The following TMEM132C variants were observed in gnomAD, a reference collection of about 807,000 sequenced individuals.
The protein encoded by TMEM132C is protein phosphatase 1, regulatory subunit 152.
Under a neutral mutation model 61.4 loss-of-function variants are expected in TMEM132C, and 29 were observed. The observed-to-expected ratio is 0.47, with a 90% CI of 0.35 to 0.64. The LOEUF is 0.64. Ranked by LOEUF, TMEM132C falls within the 30% of genes least tolerant of loss-of-function variation. The pLI is 0.00. For missense variants in TMEM132C, 1,408 were observed against 1,476.9 expected, an observed-to-expected ratio of 0.95 and a Z score of 0.76; for synonymous variants, 656 against 633.1, an observed-to-expected ratio of 1.04 and a Z score of -0.54.
At chr12:128,429,606 A>G (rs1319689258) in intron 2 of TMEM132C, among the ~76,000 whole-genome samples, 1 of 152,192 alleles carries the variant, frequency 6.6e-6, no homozygotes, top group Non-Finnish European at 1.5e-5. Context: ...CATGGAAATC[A>G]AGGCCAATTT....
chr12:128,420,156 A>G (rs1868939137), intron 2 of TMEM132C, among the ~76,000 whole-genome samples: 1 of 152,198 alleles, frequency 6.6e-6, no homozygotes, highest in South Asian at 2.1e-4. Context: ...AGATCATGCC[A>G]GTGAAGTCCA....
chr12:128,610,378 A>G (rs1277883948), intron 3 of TMEM132C, among the ~76,000 whole-genome samples: 1 of 152,148 alleles, frequency 6.6e-6, no homozygotes, highest in African/African-American at 2.4e-5. Context: ...CCCAGACTCA[A>G]TTTTCTTACC....
chr12:128,442,057 C>T (rs770647801), intron 2 of TMEM132C, among the ~76,000 whole-genome samples: 36 of 152,244 alleles, frequency 2.4e-4, no homozygotes, highest in Admixed American at 3.3e-4. Flanking sequence ...GCAGGGCTCA[C>T]CCTGGCTCAG....
chr12:128,443,623 A>G (rs1023107575), intron 2 of TMEM132C, among the ~76,000 whole-genome samples: 2 of 152,108 alleles, frequency 1.3e-5, no homozygotes, highest in Non-Finnish European at 2.9e-5. Context: ...TATTATTTGT[A>G]TTTTAAAGTC....
chr12:128,272,436 C>T (rs7974108), intron 1 of TMEM132C, among the ~76,000 whole-genome samples: 62,012 of 151,994 alleles, frequency 0.41, 13,467 homozygotes, highest in African/African-American at 0.54. Context: ...TAAAATTATG[C>T]AAGTTTTGGG....
intron 1 of TMEM132C, among the ~76,000 whole-genome samples, chr12:128,386,425 T>G (rs1001554682): frequency 2.0e-5 from 3 of 152,138 alleles, no homozygotes; most frequent in African/African-American, 7.2e-5. Flanking sequence ...TGCAGAAACT[T>G]CCCTCCACAT....
chr12:128,620,377 T>A (rs1359032176), intron 4 of TMEM132C, among the ~76,000 whole-genome samples: 1 of 151,956 alleles, frequency 6.6e-6, no homozygotes, highest in East Asian at 1.9e-4. Context: ...TATACTCTAG[T>A]GGAGCGACAG....
At chr12:128,520,006 A>G (rs982919650) in intron 2 of TMEM132C, among the ~76,000 whole-genome samples, 15 of 152,208 alleles carry the variant, frequency 9.9e-5, no homozygotes, top group African/African-American at 3.6e-4. Flanking sequence ...TTATGATTAA[A>G]TCTCTAGGAC....
At chr12:128,537,496 G>T (rs1044105977) in intron 2 of TMEM132C, among the ~76,000 whole-genome samples, 1 of 152,122 alleles carries the variant, frequency 6.6e-6, no homozygotes, top group Non-Finnish European at 1.5e-5. Flanking sequence ...CCATCTGTTG[G>T]GTAGCTTAGA....
At chr12:128,534,607 G>A (rs2136139219) in intron 2 of TMEM132C, among the ~76,000 whole-genome samples, 1 of 152,310 alleles carries the variant, frequency 6.6e-6, no homozygotes, top group Admixed American at 6.5e-5. Flanking sequence ...CAGCTTCCCT[G>A]GGCTTGCACC....
At chr12:128,396,683 G>A (rs1054724574) in intron 1 of TMEM132C, among the ~76,000 whole-genome samples, 6 of 151,906 alleles carry the variant, frequency 3.9e-5, no homozygotes, top group Non-Finnish European at 2.9e-5. Flanking sequence ...CCCAAGAGGA[G>A]TGTGCTATTA....
chr12:128,430,461 G>C (rs1160923207), intron 2 of TMEM132C, among the ~76,000 whole-genome samples: 3 of 152,152 alleles, frequency 2.0e-5, no homozygotes, highest in Non-Finnish European at 4.4e-5. Flanking sequence ...TCTTGTAAAT[G>C]CATATATTAA....
chr12:128,670,418 A>T (rs1001849981), intron 5 of TMEM132C, among the ~76,000 whole-genome samples: 6 of 152,282 alleles, frequency 3.9e-5, no homozygotes, highest in African/African-American at 1.4e-4. Flanking sequence ...CTTTTGACCA[A>T]TATCTGCACA....
At chr12:128,339,993 T>A (rs1319292398) in intron 1 of TMEM132C, among the ~76,000 whole-genome samples, 2 of 152,214 alleles carry the variant, frequency 1.3e-5, no homozygotes, top group African/African-American at 2.4e-5. Context: ...AGACATTTTT[T>A]AAAAAAGAAC....
intron 2 of TMEM132C, among the ~76,000 whole-genome samples, chr12:128,445,802 C>T (rs1018149566): frequency 6.6e-6 from 1 of 152,096 alleles, no homozygotes; most frequent in South Asian, 2.1e-4. Context: ...GATTTAAAAG[C>T]CCCCCACCCC....
intron 2 of TMEM132C, among the ~76,000 whole-genome samples, chr12:128,520,317 A>G (rs1872859388): frequency 6.6e-6 from 1 of 152,196 alleles, no homozygotes; most frequent in South Asian, 2.1e-4. Flanking sequence ...TTGACAATGC[A>G]GAGATTTTGG....
intron 5 of TMEM132C, among the ~76,000 whole-genome samples, chr12:128,669,800 T>C (rs1954513936): frequency 6.6e-6 from 1 of 152,218 alleles, no homozygotes; most frequent in African/African-American, 2.4e-5. Context: ...CAATTAAAAA[T>C]TGTGTGTGTG....
At chr12:128,391,259 G>C (rs1417050841) in intron 1 of TMEM132C, among the ~76,000 whole-genome samples, 1 of 152,216 alleles carries the variant, frequency 6.6e-6, no homozygotes, top group Non-Finnish European at 1.5e-5. Context: ...GGCCTTGGAG[G>C]AGTGGCCTGA....
chr12:128,553,345 A>G (rs555749379), intron 3 of TMEM132C, among the ~76,000 whole-genome samples: 1 of 152,012 alleles, frequency 6.6e-6, no homozygotes, highest in Non-Finnish European at 1.5e-5. Flanking sequence ...CCTTTATTTT[A>G]CTTTTGTAAT....
Sources: gnomAD v4.1 joint callset for allele counts (sites outside exome capture counted in the v4.1 genomes callset) on GRCh38, gnomAD v4.1.1 for gene constraint, MANE v1.5 for transcripts, NCBI Gene and HGNC (gene_info 2026-07-23, HGNC 2026-07-21) for gene names.